Variants in DAB1 observed in about 807,000 individuals in gnomAD.
The protein encoded by DAB1 is disabled homolog 1.
Under a neutral mutation model 64.6 loss-of-function variants are expected in DAB1, and 15 were observed. The ratio of observed to expected loss-of-function variants is 0.23; its 90% confidence interval spans 0.16 to 0.36. The LOEUF is 0.36. Ranked by LOEUF, DAB1 falls within the 10% of genes least tolerant of loss-of-function variation. The pLI is 1.00. For missense variants in DAB1, 596 were observed against 706.7 expected (o/e 0.84, Z 1.78); for synonymous variants, 235 against 251.9 (o/e 0.93, Z 0.64).
intron 5 of DAB1, among the ~76,000 whole-genome samples, chr1:58,031,831 C>T (rs1243061933): frequency 6.6e-6 from 1 of 152,120 alleles, no homozygotes; most frequent in Non-Finnish European, 1.5e-5. Context: ...AAGGTTTAGA[C>T]TCTGGAGCAG....
At position 57,014,890 on chromosome 1, in the gene DAB1, G is replaced by C. The variant is rs767992933; in HGVS notation, c.1437C>G (p.Thr479=). Residue 479 remains threonine (T), a synonymous_variant, in exon 12 of 15, where the codon ACC becomes ACG. Transcript: ENST00000371236. Reference sequence around the variant, plus strand: ...TAAGTGAGGGGCACTCACGTGAGTTGGTCGATGGTGTGGTAGAAGTCACAG... The same window carrying C: ...TAAGTGAGGGGCACTCACGTGAGTTCGTCGATGGTGTGGTAGAAGTCACAG... ...LTPVTSTTPS[T]NSPPTPAPRQ... is the part of the protein sequence containing the mutation. 1.8e-5 allele frequency: 28 copies of C among 1,565,260 alleles called. No homozygotes were observed. In the South Asian group the frequency reaches 3.3e-4, roughly 18 times the overall value.
At chr1:57,994,816 A>T (rs11207144) in intron 5 of DAB1, among the ~76,000 whole-genome samples, 53 of 152,260 alleles carry the variant, frequency 3.5e-4, no homozygotes, top group African/African-American at 1.2e-3. Context: ...AATTCTTAGG[A>T]GGAAGGAGCT....
At position 57,686,447 on chromosome 1, in the gene DAB1, A is replaced by T. The variant is rs542237556; in HGVS notation, n.552-36782T>A. ...AAAAGAAAAACCGCGGACCAGATGG[A>T]TGGACAGCCAAATTATACAAGATGT... On this transcript the variant is annotated intron_variant and non_coding_transcript_variant, in intron 6 of 20. Coordinates refer to the DAB1 transcript ENST00000485760. 1.4e-4 allele frequency among the ~76,000 whole-genome samples: 21 copies of T among 152,156 alleles called. 1 individual carries two copies. The highest frequency in any genetic ancestry group is 2.8e-4 in the Non-Finnish European group (19 of 68,028).
At chr1:57,047,067 T>C (rs920261477) in intron 9 of DAB1, among the ~76,000 whole-genome samples, 3 of 152,194 alleles carry the variant, frequency 2.0e-5, no homozygotes, top group African/African-American at 7.2e-5. Flanking sequence ...CCAGTTTGGA[T>C]GATAAACTAG....
intron 6 of DAB1, among the ~76,000 whole-genome samples, chr1:57,805,845 C>A (rs1229323577): frequency 6.6e-6 from 1 of 152,128 alleles, no homozygotes; most frequent in Non-Finnish European, 1.5e-5. Context: ...ATCCTTACAC[C>A]CAGAATCTGA....
At chr1:58,143,854 C>T (rs776116032) in intron 5 of DAB1, among the ~76,000 whole-genome samples, 18 of 152,180 alleles carry the variant, frequency 1.2e-4, no homozygotes, top group Non-Finnish European at 2.2e-4. Flanking sequence ...ATGTTTTTCT[C>T]GCCCTGACAG....
At chr1:58,139,725 A>C (rs1654169331) in intron 5 of DAB1, among the ~76,000 whole-genome samples, 1 of 152,232 alleles carries the variant, frequency 6.6e-6, no homozygotes, top group African/African-American at 2.4e-5. Flanking sequence ...AAGCCTTGCT[A>C]AAAGATGTAA....
intron 5 of DAB1, among the ~76,000 whole-genome samples, chr1:58,018,895 C>A (rs148883619): frequency 6.6e-6 from 1 of 152,256 alleles, no homozygotes; most frequent in Non-Finnish European, 1.5e-5. Flanking sequence ...ATGACTACTG[C>A]CTTGGAAATC....
In DAB1 at chr1:58,205,080, G is replaced by A. The variant is rs563235540; in HGVS notation, n.310-54492C>T. Among the ~76,000 whole-genome samples the A allele has an allele frequency of 3.0e-4, 45 of 152,156 alleles. No individual in the cohort carries two copies. In the South Asian group the frequency reaches 8.3e-3, roughly 28 times the overall value. The stretch of plus-strand genomic sequence containing the variant: ...TCAAAATGGTTGAAGTCACTTGCTC[G>A]AGGTCACACAGCAAGTAGGATTACA... On this transcript the variant is annotated intron_variant and non_coding_transcript_variant, in intron 4 of 20. Transcript: ENST00000485760.
chr1:57,414,034 T>C (rs1684316080), intron 1 of DAB1, among the ~76,000 whole-genome samples: 1 of 152,216 alleles, frequency 6.6e-6, no homozygotes, highest in Non-Finnish European at 1.5e-5. Flanking sequence ...GCAAAGAAAG[T>C]GGTTTCTTGA....
chr1:57,780,625 C>T (rs1490940568), intron 6 of DAB1, among the ~76,000 whole-genome samples: 2 of 152,026 alleles, frequency 1.3e-5, no homozygotes, highest in East Asian at 1.9e-4. Context: ...AAAAATTTGT[C>T]AATATTTTGA....
At chr1:57,694,476 G>A (rs1646800837) in intron 6 of DAB1, among the ~76,000 whole-genome samples, 1 of 152,046 alleles carries the variant, frequency 6.6e-6, no homozygotes, top group Non-Finnish European at 1.5e-5. Flanking sequence ...AGAAACAATT[G>A]ACAACTTGAT....
At chr1:57,974,902 A>G (rs1048109411) in intron 5 of DAB1, among the ~76,000 whole-genome samples, 27 of 152,276 alleles carry the variant, frequency 1.8e-4, no homozygotes, top group African/African-American at 6.3e-4. Context: ...CTGAGTGTCT[A>G]CTTTATGCCA....
At chr1:57,481,569 C>T (rs1644020839) in intron 7 of DAB1, among the ~76,000 whole-genome samples, 1 of 152,178 alleles carries the variant, frequency 6.6e-6, no homozygotes, top group Non-Finnish European at 1.5e-5. Context: ...GTAATCCCAG[C>T]ACTTTGGGAG....
chr1:58,527,376 T>G (rs200972886), intron 1 of DAB1: 1 of 854,230 alleles, frequency 1.2e-6, no homozygotes, highest in South Asian at 1.3e-5. Context: ...AGACAATTTA[T>G]TTCACGAAAA....
At chr1:58,461,004 T>C (rs1364434148) in intron 3 of DAB1, among the ~76,000 whole-genome samples, 1 of 152,212 alleles carries the variant, frequency 6.6e-6, no homozygotes, top group African/African-American at 2.4e-5. Flanking sequence ...TTACAGATTA[T>C]ATTATTTAAA....
At chr1:57,498,753 T>C (rs938653063) in intron 7 of DAB1, among the ~76,000 whole-genome samples, 3 of 152,188 alleles carry the variant, frequency 2.0e-5, no homozygotes, top group Non-Finnish European at 2.9e-5. Context: ...GAAAATGTTA[T>C]AGCTGGTGGG....
At chr1:57,410,450 G>A (rs911350264) in intron 1 of DAB1, among the ~76,000 whole-genome samples, 2 of 152,174 alleles carry the variant, frequency 1.3e-5, no homozygotes, top group Non-Finnish European at 2.9e-5. Context: ...ATGAAGTATG[G>A]TGTTTAACAG....
At chr1:58,210,678 T>C (rs1658509389) in intron 4 of DAB1, among the ~76,000 whole-genome samples, 1 of 152,232 alleles carries the variant, frequency 6.6e-6, no homozygotes, top group Non-Finnish European at 1.5e-5. Flanking sequence ...ATTTATTCCA[T>C]AATTGCTTTT....
Sources: allele counts gnomAD v4.1 joint callset (sites outside exome capture counted in the v4.1 genomes callset), GRCh38; gene constraint gnomAD v4.1.1; transcripts MANE v1.5; gene names NCBI Gene and HGNC (gene_info 2026-07-23, HGNC 2026-07-21).